The following GAS7 variants were observed in gnomAD, a reference collection of about 807,000 sequenced individuals.
GAS7 encodes growth arrest-specific protein 7.
A neutral mutation model predicts 71.1 loss-of-function variants in GAS7; 28 were observed. That is an observed-to-expected ratio of 0.39 (90% CI 0.29 to 0.54). The LOEUF (loss-of-function observed/expected upper bound fraction) is 0.54, where lower values mean the gene tolerates loss of function less well. Ranked by LOEUF, GAS7 falls within the 20% of genes least tolerant of loss-of-function variation. The pLI, the probability that GAS7 is intolerant of heterozygous loss-of-function variation, is 0.62. For synonymous variants in GAS7, 258 were observed against 245.8 expected (o/e 1.05, Z -0.46); for missense variants, 436 against 627.8 (o/e 0.69, Z 3.27).
chr17:10,144,996 G>A (rs1376336715), intron 1 of GAS7, among the ~76,000 whole-genome samples: 1 of 152,244 alleles, frequency 6.6e-6, no homozygotes, highest in Non-Finnish European at 1.5e-5. Context: ...CAGGCAACTG[G>A]ATGAGGAAGG....
At chr17:10,005,125 A>G (rs550310356) in intron 2 of GAS7, among the ~76,000 whole-genome samples, 63 of 110,258 alleles carry the variant, frequency 5.7e-4, no homozygotes, top group African/African-American at 2.9e-3. Context: ...GTGCACGCAT[A>G]CCAGCATGTG....
At chr17:10,113,949 A>G (rs2073837302) in intron 1 of GAS7, among the ~76,000 whole-genome samples, 1 of 152,108 alleles carries the variant, frequency 6.6e-6, no homozygotes, top group Non-Finnish European at 1.5e-5. Flanking sequence ...GGGTCTTGCT[A>G]TCTTGCCCAG....
intron 4 of GAS7, among the ~76,000 whole-genome samples, chr17:9,966,504 A>C (rs1447588471): frequency 6.6e-6 from 1 of 152,142 alleles, no homozygotes; most frequent in African/African-American, 2.4e-5. Context: ...ATTGATGTTT[A>C]AGTGTAGTTA....
chr17:10,158,495 TAA>T (rs2074223900), intron 1 of GAS7, among the ~76,000 whole-genome samples: 1 of 150,138 alleles, frequency 6.7e-6, no homozygotes, highest in Non-Finnish European at 1.5e-5. Context: ...AAAAGAAAAA[TAA>T]AAAAAGATAT....
At chr17:9,954,855 T>C (rs2006827) in intron 5 of GAS7, among the ~76,000 whole-genome samples, 38,906 of 151,842 alleles carry the variant, frequency 0.26, 6,171 homozygotes, top group East Asian at 0.64. Context: ...TTTCCATCCA[T>C]TGGGATGGAA....
At chr17:10,110,905 T>C (rs1161418351) in intron 1 of GAS7, among the ~76,000 whole-genome samples, 1 of 152,242 alleles carries the variant, frequency 6.6e-6, no homozygotes, top group Non-Finnish European at 1.5e-5. Context: ...AGGTTATGGA[T>C]ACCCCAAATA....
chr17:10,198,043 C>T (rs2074553632), intron 1 of GAS7, among the ~76,000 whole-genome samples, 165 bp downstream of exon 1: 1 of 152,124 alleles, frequency 6.6e-6, no homozygotes, highest in Admixed American at 6.5e-5. Flanking sequence ...CCGCTGCCGT[C>T]GCTGCCCCCC....
chr17:10,023,498 C>T (rs1051335586), intron 1 of GAS7, among the ~76,000 whole-genome samples: 6 of 151,670 alleles, frequency 4.0e-5, no homozygotes, highest in Admixed American at 3.3e-4. Context: ...GAATATTATT[C>T]AGAAATTAAA....
intron 1 of GAS7, among the ~76,000 whole-genome samples, chr17:10,183,379 G>T (rs2074430261): frequency 6.6e-6 from 1 of 152,084 alleles, no homozygotes. Context: ...CATCCGCCCT[G>T]TGTGCCCCAA....
At position 10,194,745 on chromosome 17, in the gene GAS7, G is replaced by A. The variant is rs574627378; in HGVS notation, c.183+3463C>T. Among the ~76,000 whole-genome samples the A allele has an allele frequency of 4.6e-5, 7 of 152,024 alleles. No individual in the cohort carries two copies. The South Asian group carries it at 6.2e-4, about 14-fold the overall frequency. On this transcript the variant is annotated intron_variant, in intron 1 of 13. Coordinates refer to ENST00000432992, the MANE Select transcript of GAS7 (RefSeq NM_201433.2). The stretch of plus-strand genomic sequence containing the variant: ...TCCCAGCACTTTGGGAGGCCGAGGC[G>A]GGTGGATCACAAGGTGAGGAGATCG...
At chr17:10,086,492 G>A (rs73974416) in intron 1 of GAS7, among the ~76,000 whole-genome samples, 1 of 152,172 alleles carries the variant, frequency 6.6e-6, no homozygotes, top group African/African-American at 2.4e-5. Context: ...AAGGAATCTG[G>A]GTTTGTTCTG....
chr17:9,985,064 C>T (rs1451207395), intron 2 of GAS7, among the ~76,000 whole-genome samples: 1 of 152,188 alleles, frequency 6.6e-6, no homozygotes, highest in Non-Finnish European at 1.5e-5. Flanking sequence ...AGGGCTCACT[C>T]ACCATCACCA....
At chr17:10,033,628 CG>C (rs1229570299) in intron 1 of GAS7, among the ~76,000 whole-genome samples, 1 of 152,094 alleles carries the variant, frequency 6.6e-6, no homozygotes, top group African/African-American at 2.4e-5. Context: ...GCAGATGCAC[CG>C]GGGGGCAAAA....
chr17:9,987,996 GC>G (rs2070706066), intron 2 of GAS7, among the ~76,000 whole-genome samples: 2 of 152,300 alleles, frequency 1.3e-5, no homozygotes, highest in East Asian at 3.9e-4. Context: ...GCTCTCTGCT[GC>G]CCCCTGTGGT....
chr17:10,083,556 G>A (rs2073480668), intron 1 of GAS7, among the ~76,000 whole-genome samples: 1 of 152,262 alleles, frequency 6.6e-6, no homozygotes, highest in South Asian at 2.1e-4. Flanking sequence ...AGTCTGGCTT[G>A]TGCACTGATT....
chr17:9,918,162 C>G, intron 12 of GAS7, 63 bp from the exon 13 acceptor site: 2 of 1,172,262 alleles, frequency 1.7e-6, no homozygotes, highest in South Asian at 2.5e-5. Context: ...GGTCCCCCCA[C>G]CAAGACCACA....
intron 1 of GAS7, among the ~76,000 whole-genome samples, chr17:10,067,275 C>T (rs942777465): frequency 2.0e-5 from 3 of 151,996 alleles, no homozygotes; most frequent in Non-Finnish European, 4.4e-5. Context: ...GATGGAGTCT[C>T]GCTCTGTTGC....
chr17:10,041,905 T>C (rs944817445), intron 1 of GAS7, among the ~76,000 whole-genome samples: 4 of 152,190 alleles, frequency 2.6e-5, no homozygotes, highest in African/African-American at 9.6e-5. Flanking sequence ...CCTCTTATTA[T>C]TTTTTTCGTT....
intron 1 of GAS7, 67 bp downstream of exon 1, chr17:10,198,141 C>T (rs763027384): frequency 2.0e-5 from 30 of 1,485,588 alleles, no homozygotes; most frequent in Non-Finnish European, 2.7e-5. Flanking sequence ...CCGGAACGGG[C>T]AACAGGTACG....
Sources: allele counts gnomAD v4.1 joint callset (sites outside exome capture counted in the v4.1 genomes callset), GRCh38; gene constraint gnomAD v4.1.1; transcripts MANE v1.5; gene names NCBI Gene and HGNC (gene_info 2026-07-23, HGNC 2026-07-21).